MFAP3L: variants seen among roughly 807,000 people sequenced by gnomAD.
MFAP3L encodes the protein microfibril associated protein 3 like.
MFAP3L carries 5 observed loss-of-function variants against 20.0 expected under a neutral mutation model. The ratio of observed to expected loss-of-function variants is 0.25; its 90% CI spans 0.13 to 0.53. The LOEUF (loss-of-function observed/expected upper bound fraction) is 0.53, where lower values mean the gene tolerates loss of function less well. Ranked by LOEUF, MFAP3L falls within the 20% of genes least tolerant of loss-of-function variation. The probability of loss-of-function intolerance (pLI) is 0.96; values close to 1 mark genes in which losing one functional copy is unlikely to be tolerated. For missense variants in MFAP3L, 409 were observed against 527.5 expected (o/e 0.78, Z 2.20); for synonymous variants, 219 against 213.0 (o/e 1.03, Z -0.25).
intron 1 of MFAP3L, among the ~76,000 whole-genome samples, chr4:170,013,804 T>C (rs1414244532): frequency 6.6e-6 from 1 of 152,214 alleles, no homozygotes; most frequent in East Asian, 1.9e-4. Flanking sequence ...CATTCATATA[T>C]TAAGATAGCA....
At chr4:170,011,906 T>C (rs1357473500) in intron 1 of MFAP3L, among the ~76,000 whole-genome samples, 2 of 152,054 alleles carry the variant, frequency 1.3e-5, no homozygotes, top group South Asian at 2.1e-4. Context: ...AAAAGAGGAA[T>C]AGAATATTGA....
rs1730385527 is a variant in MFAP3L at position 170,026,161 on chromosome 4, G to C, written c.-134+73C>G. 8 of 909,440 alleles carry C rather than the reference G, an allele frequency of 8.8e-6. No individual in the cohort carries two copies. The South Asian group carries it at 3.5e-4, about 40-fold the overall frequency. 56.3% of individuals were successfully genotyped at this position (909,440 alleles called of 1,614,324 possible). A position where few individuals can be genotyped will look rare whatever the true frequency, so the allele number is the denominator to read the frequency against. On this transcript the variant is annotated intron_variant, in intron 1 of 2. Coordinates refer to ENST00000361618, the MANE Select transcript of MFAP3L (RefSeq NM_021647.8). Reference sequence around the variant, plus strand: ...AGTTCGGCGGCCCCGGCGCCGACTCGGCCGCCGACCCGGTGCGGGGCTGGC... The same window carrying C: ...AGTTCGGCGGCCCCGGCGCCGACTCCGCCGCCGACCCGGTGCGGGGCTGGC...
chr4:170,023,036 A>G (rs978699437), intron 1 of MFAP3L, among the ~76,000 whole-genome samples: 1 of 152,194 alleles, frequency 6.6e-6, no homozygotes, highest in Admixed American at 6.5e-5. Context: ...GCCTATCCCA[A>G]TGATGTTCCT....
At chr4:170,011,698 G>A (rs1029768241) in intron 1 of MFAP3L, among the ~76,000 whole-genome samples, 5 of 152,122 alleles carry the variant, frequency 3.3e-5, no homozygotes, top group African/African-American at 1.2e-4. Flanking sequence ...CCTCTTGTCA[G>A]AATCCGGCAG....
intron 1 of MFAP3L, among the ~76,000 whole-genome samples, chr4:170,016,045 TA>T (rs949144404): frequency 2.6e-5 from 4 of 152,000 alleles, no homozygotes; most frequent in African/African-American, 7.2e-5. Context: ...ATTGTCCCAT[TA>T]AAAAAAAGAG....
intron 2 of MFAP3L, chr4:169,997,808 T>TTTTTC: frequency 1.0e-6 from 1 of 982,016 alleles, no homozygotes; most frequent in South Asian, 4.7e-5. Context: ...AATTCTTTTT[T>TTTTTC]TTTTTTTTTT....
chr4:170,012,954 G>A (rs1739476197), intron 1 of MFAP3L, among the ~76,000 whole-genome samples: 1 of 152,000 alleles, frequency 6.6e-6, no homozygotes, highest in Non-Finnish European at 1.5e-5. Flanking sequence ...TTTATTTTAT[G>A]CTGTTATTTT....
chr4:170,014,967 C>T (rs1739607633), intron 1 of MFAP3L, among the ~76,000 whole-genome samples: 1 of 152,204 alleles, frequency 6.6e-6, no homozygotes, highest in South Asian at 2.1e-4. Context: ...TAACTTCTAA[C>T]AGAAACACAT....
chr4:169,991,577 T>C lies in MFAP3L; in HGVS notation c.1031A>G (p.Glu344Gly), dbSNP rs1394407680. 4.3e-6 allele frequency: 7 copies of C among 1,614,096 alleles called. No homozygotes were observed. Among genetic ancestry groups the C allele is most frequent in the South Asian group, 3.3e-5 (3 of 91,086 alleles). Residue 344 changes from glutamate to glycine, a missense_variant, in exon 3 of 3, where the codon GAG (glutamate) becomes GGG (glycine). Glu to Gly is a moderately conservative substitution (Grantham distance 98). Coordinates refer to ENST00000361618, the MANE Select transcript of MFAP3L (RefSeq NM_021647.8). The surrounding 1 kb of genome is among the most constrained non-coding windows in gnomAD (Gnocchi z 4.9). ...EGGQFEVKDV[E>G]ETELSAEHSP... ...ATGTTCCGCCGACAGTTCTGTCTCCTCTACATCTTTGACTTCAAACTGTCC... is the reference window on the plus strand; with the variant it reads ...ATGTTCCGCCGACAGTTCTGTCTCCCCTACATCTTTGACTTCAAACTGTCC...
In MFAP3L at chr4:169,995,272, G is replaced by T. The variant is rs996910826; in HGVS notation, c.299-2963C>A. ...CCAACACAGTTCTAAGACTATCATAGAAGAGAACTAAGGTCCCGTAGCCTC... is the reference window on the plus strand; with the variant it reads ...CCAACACAGTTCTAAGACTATCATATAAGAGAACTAAGGTCCCGTAGCCTC... On this transcript the variant is annotated intron_variant, in intron 2 of 2. Transcript: ENST00000361618. 1.4e-4 allele frequency among the ~76,000 whole-genome samples: 22 copies of T among 152,288 alleles called. No homozygotes were observed. In the South Asian group the frequency reaches 3.1e-3, roughly 22 times the overall value.
chr4:170,013,703 G>A (rs1739524719), intron 1 of MFAP3L, among the ~76,000 whole-genome samples: 1 of 152,174 alleles, frequency 6.6e-6, no homozygotes, highest in African/African-American at 2.4e-5. Context: ...CTTGAAACAT[G>A]CAGTGCAGGC....
intron 1 of MFAP3L, among the ~76,000 whole-genome samples, chr4:170,015,088 G>C (rs537484903): frequency 6.6e-6 from 1 of 152,342 alleles, no homozygotes; most frequent in African/African-American, 2.4e-5. Context: ...TGGGATAAGA[G>C]ATGGGTTGGG....
chr4:170,001,914 C>T, intron 2 of MFAP3L: 1 of 985,052 alleles, frequency 1.0e-6, no homozygotes, highest in Non-Finnish European at 1.2e-6. Context: ...CAGGAAATAG[C>T]CCCATTCTCT....
intron 1 of MFAP3L, among the ~76,000 whole-genome samples, chr4:170,022,491 T>G (rs1740098059): frequency 6.6e-6 from 1 of 152,218 alleles, no homozygotes; most frequent in Non-Finnish European, 1.5e-5. Flanking sequence ...CCCTTGCCTA[T>G]TAGTCCATTG....
rs1206837358 is a variant in MFAP3L, at chr4:170,005,719, A to G, written c.159T>C (p.Thr53=). The G allele has an allele frequency of 8.1e-6, 13 of 1,614,242 alleles. No individual in the cohort carries two copies. The highest frequency in any genetic ancestry group is 1.1e-5 in the Non-Finnish European group (13 of 1,180,044). The change falls in exon 2 of 3, where the codon ACT becomes ACC. Residue 53 remains threonine, a synonymous_variant. Transcript: ENST00000361618. ...TCCCTTCCTTGACTATGATATGGTC[A>G]GTTCTGGCAATGATTACGGGCACAG... The part of the protein sequence containing the change: ...LGSVPVIIAR[T]DHIIVKEGNS...
Position 169,989,321 on chromosome 4 carries a change from T to A in MFAP3L, c.*2057A>T, listed in dbSNP as rs141521877. 6.6e-6 allele frequency: 1 copy of A among 152,186 alleles called. No homozygotes were observed. Among genetic ancestry groups the A allele is most frequent in the Admixed American group, 6.5e-5 (1 of 15,274 alleles). The allele number at this position is 152,186 out of a possible 1,614,324, so 9.4% of individuals were successfully genotyped here. A position where few individuals can be genotyped will look rare whatever the true frequency, so the allele number is the denominator to read the frequency against. On this transcript the variant is annotated 3_prime_UTR_variant, in exon 3 of 3. Coordinates refer to ENST00000361618, the MANE Select transcript of MFAP3L (RefSeq NM_021647.8). Reference sequence around the variant, plus strand: ...TCAAGAGATGTCTCATCAAACTCCATGACTAGTTCTATCACCTTCCACAAC... The same window carrying A: ...TCAAGAGATGTCTCATCAAACTCCAAGACTAGTTCTATCACCTTCCACAAC...
intron 1 of MFAP3L, among the ~76,000 whole-genome samples, chr4:170,018,574 C>G (rs1276393001): frequency 6.6e-6 from 1 of 152,194 alleles, no homozygotes; most frequent in Non-Finnish European, 1.5e-5. Flanking sequence ...GTCCACTGCA[C>G]GTCCTGGGTA....
intron 2 of MFAP3L, among the ~76,000 whole-genome samples, chr4:170,002,559 G>A (rs369194774): frequency 2.0e-5 from 3 of 151,352 alleles, no homozygotes; most frequent in Admixed American, 1.3e-4. Context: ...CACCAGGCTC[G>A]AGTGCAGTGG....
At position 170,005,578 on chromosome 4, in the gene MFAP3L, ACCT is replaced by A. The variant is rs770466212; in HGVS notation, c.297_298+1del. ...GACATTTGATACAACTTTAAAGCCT[ACCT>A]CCTCCTCTCTCCTTCTCATCCTCTT... On this transcript the variant is annotated splice_donor_variant and coding_sequence_variant, in exon 2 of 3. Transcript: ENST00000361618. LOFTEE classifies it high-confidence loss of function. 3.7e-6 allele frequency: 6 copies of A among 1,612,452 alleles called. No individual in the cohort carries two copies. Among genetic ancestry groups the A allele is most frequent in the Admixed American group, 3.3e-5 (2 of 59,958 alleles).
Sources: gnomAD v4.1 joint callset for allele counts (sites outside exome capture counted in the v4.1 genomes callset) on GRCh38, gnomAD v4.1.1 for gene constraint, Gnocchi (gnomAD v3.1) non-coding constraint, MANE v1.5 for transcripts, NCBI Gene and HGNC (gene_info 2026-07-23, HGNC 2026-07-21) for gene names.